Variants in HDLBP observed in about 807,000 individuals in gnomAD.
HDLBP encodes the protein vigilin.
In HDLBP, 30 loss-of-function variants were observed where a neutral mutation model predicts 137.3. That is an observed-to-expected ratio of 0.22 (90% CI 0.16 to 0.30). HDLBP has a LOEUF of 0.30. Ranked by LOEUF, HDLBP falls within the 10% of genes least tolerant of loss-of-function variation. HDLBP has a pLI of 1.00. For synonymous variants in HDLBP, 606 were observed against 596.0 expected, an observed-to-expected ratio of 1.02 and a Z score of -0.24; for missense variants, 1,119 against 1,667.3, an observed-to-expected ratio of 0.67 and a Z score of 5.73.
At chr2:241,295,827 A>C (rs2075156893) in intron 1 of HDLBP, among the ~76,000 whole-genome samples, 2 of 152,316 alleles carry the variant, frequency 1.3e-5, no homozygotes, top group South Asian at 4.1e-4. Context: ...TGCAGCTGCA[A>C]GCCAAGGACT....
chr2:241,250,293 C>T, intron 11 of HDLBP: 1 of 230,194 alleles, frequency 4.3e-6, no homozygotes, highest in Admixed American at 5.2e-5. Flanking sequence ...GGGGTATTGG[C>T]CAGGGCTTCA....
At chr2:241,255,619 G>A (rs754835538) in intron 7 of HDLBP, 39 bp from the exon 8 acceptor site, 2 of 1,551,482 alleles carry the variant, frequency 1.3e-6, no homozygotes, top group Admixed American at 3.3e-5. Context: ...AAAGGGAAAG[G>A]TGTGGGAAGC....
chr2:241,246,155 C>G (rs1301846408), intron 16 of HDLBP, among the ~76,000 whole-genome samples: 5 of 151,860 alleles, frequency 3.3e-5, no homozygotes, highest in African/African-American at 1.2e-4. Context: ...AAAGTGAAAG[C>G]AGATGGGCCC....
In HDLBP at chr2:241,280,265, T is replaced by C. The variant is rs573221131; in HGVS notation, c.-102-11724A>G. On this transcript the variant is annotated intron_variant, in intron 1 of 27. Coordinates refer to ENST00000310931, the MANE Select transcript of HDLBP (RefSeq NM_005336.6). ...CAAACTAATTTTATAATTAAGCTTA[T>C]TTATACTCAGTTTAATTTGACTTGT... Among the ~76,000 whole-genome samples the C allele has an allele frequency of 2.0e-5, 3 of 152,376 alleles. No individual in the cohort carries two copies. The South Asian group carries it at 6.2e-4, about 32-fold the overall frequency.
At chr2:241,312,483 G>A (rs2075782842) in intron 1 of HDLBP, among the ~76,000 whole-genome samples, 1 of 152,136 alleles carries the variant, frequency 6.6e-6, no homozygotes, top group Admixed American at 6.5e-5. Flanking sequence ...GAACGTTGTG[G>A]TGCTTTTACA....
chr2:241,268,574 G>A, intron 1 of HDLBP, 33 bp from the exon 2 acceptor site: 1 of 831,328 alleles, frequency 1.2e-6, no homozygotes. Flanking sequence ...AGAGGAGAGA[G>A]AGGAAACCAG....
At position 241,242,583 on chromosome 2, in the gene HDLBP, C is replaced by T. The variant is rs747413701; in HGVS notation, c.2046G>A (p.Glu682=). 1 of 1,614,252 alleles carries T rather than the reference C, an allele frequency of 6.2e-7. No homozygotes were observed. Among genetic ancestry groups the T allele is most frequent in the African/African-American group, 1.3e-5 (1 of 75,076 alleles). The part of the protein sequence containing the change: ...KGRLIRSIME[E]CGGVHIHFPV... ...GAAAGTGAATGTGGACCCCGCCGCA[C>T]TCCTCCATGATGGAGCGGATCAGAC... Residue 682 remains glutamate, a synonymous_variant, in exon 17 of 28, where the codon GAG becomes GAA. Coordinates refer to ENST00000310931, the MANE Select transcript of HDLBP (RefSeq NM_005336.6).
chr2:241,229,787 C>CCCCCCCCCCCCCCG, intron 27 of HDLBP, 46 bp downstream of exon 27: 2 of 1,137,646 alleles, frequency 1.8e-6, no homozygotes, highest in Non-Finnish European at 1.3e-6. Context: ...CCCGCCTGCC[C>CCCCCCCCCCCCCCG]GCCCACCCTC....
At position 241,255,139 on chromosome 2, in the gene HDLBP, G is replaced by C. The variant is rs566762728; in HGVS notation, c.1100C>G (p.Ser367Cys). 6.2e-7 allele frequency: 1 copy of C among 1,614,162 alleles called. No homozygotes were observed. Among genetic ancestry groups the C allele is most frequent in the African/African-American group, 1.3e-5 (1 of 75,030 alleles). ...VYAKANSFTV[S>C]SVAAPSWLHR... The stretch of plus-strand genomic sequence containing the variant: ...AAGCCAGGAAGGGGCGGCGACAGAG[G>C]AGACGGTGAAGCTATTGGCCTAAGA... Residue 367 changes from serine (S) to cysteine (C), a missense_variant, in exon 9 of 28, where the codon TCC (serine) becomes TGC (cysteine). This residue lies in a region of HDLBP where 425 missense variants were observed against 693.9 expected (regional missense o/e 0.61). Transcript: ENST00000310931.
chr2:241,242,115 T>C (rs2071296241), intron 17 of HDLBP, among the ~76,000 whole-genome samples: 1 of 152,214 alleles, frequency 6.6e-6, no homozygotes, highest in African/African-American at 2.4e-5. Context: ...TTAGGGGTGA[T>C]GGAAAATGAA....
intron 24 of HDLBP, 121 bp from the exon 25 acceptor site, chr2:241,231,065 G>A (rs925773904): frequency 1.7e-4 from 140 of 831,880 alleles, no homozygotes; most frequent in Middle Eastern, 3.5e-4. Flanking sequence ...GCAACGTCAC[G>A]GCTGATTTAA....
At position 241,239,329 on chromosome 2, in the gene HDLBP, T is replaced by C. The variant is rs1189054501; in HGVS notation, c.2610+273A>G. Reference sequence around the variant, plus strand: ...AATGCATTTTCTTTCTTTCTCTTGCTTTCTTTCCTCTCTCTCTCTCCCCTC... The same window carrying C: ...AATGCATTTTCTTTCTTTCTCTTGCCTTCTTTCCTCTCTCTCTCTCCCCTC... On this transcript the variant is annotated intron_variant, in intron 19 of 27. Transcript: ENST00000310931. The surrounding 1 kb of genome is among the most constrained non-coding windows in gnomAD (Gnocchi z 4.6). Among the ~76,000 whole-genome samples, 1 of 152,172 alleles carries C rather than the reference T, an allele frequency of 6.6e-6. No individual in the cohort carries two copies. The highest frequency in any genetic ancestry group is 1.5e-5 in the Non-Finnish European group (1 of 68,028).
At chr2:241,295,823 T>TG (rs1414904305) in intron 1 of HDLBP, among the ~76,000 whole-genome samples, 1 of 152,120 alleles carries the variant, frequency 6.6e-6, no homozygotes, top group African/African-American at 2.4e-5. Flanking sequence ...ACCATGCAGC[T>TG]GCAAGCCAAG....
At position 241,255,173 on chromosome 2, in the gene HDLBP, G is replaced by C. The variant is rs368277659; in HGVS notation, c.1081-15C>G. The C allele has an allele frequency of 1.7e-5, 28 of 1,608,268 alleles. No homozygotes were observed. Among genetic ancestry groups the C allele is most frequent in the Non-Finnish European group, 2.3e-5 (27 of 1,174,842 alleles). ...AAGCTATTGGCCTAAGAAAATGGGA[G>C]AACAGCCATGGGTTTGCAGAGCTCA... is the stretch of plus-strand genomic sequence containing the variant. On this transcript the variant is annotated splice_polypyrimidine_tract_variant and intron_variant, in intron 8 of 27. Coordinates refer to ENST00000310931, the MANE Select transcript of HDLBP (RefSeq NM_005336.6).
chr2:241,251,057 T>G (rs2149459906), intron 11 of HDLBP: 1 of 152,204 alleles, frequency 6.6e-6, no homozygotes, highest in East Asian at 1.9e-4. Flanking sequence ...ACTGCAGCCT[T>G]GACTTCCTGG....
intron 2 of HDLBP, chr2:241,267,738 C>T: frequency 6.5e-7 from 1 of 1,532,650 alleles, no homozygotes; most frequent in Non-Finnish European, 8.7e-7. Context: ...AGCCTCAGTG[C>T]TTTGTAGCAA....
intron 1 of HDLBP, among the ~76,000 whole-genome samples, chr2:241,293,328 C>A (rs1415018985): frequency 1.3e-5 from 2 of 151,792 alleles, no homozygotes; most frequent in South Asian, 2.1e-4. Context: ...ATAAAAAATA[C>A]AATAAAATAA....
chr2:241,309,989 G>A (rs2075713399), intron 1 of HDLBP, among the ~76,000 whole-genome samples: 1 of 152,118 alleles, frequency 6.6e-6, no homozygotes. Flanking sequence ...AGGCTCAGAG[G>A]CCCTCTGACT....
Position 241,230,629 on chromosome 2 carries a change from T to C in HDLBP, c.3474+130A>G. ...TGACCCGTGGTGTCCATGAGGACAG[T>C]TCCACTGCCAGCCCTGGGGTTGTGG... On this transcript the variant is annotated intron_variant, in intron 25 of 27. Transcript: ENST00000310931. This position sits in a 1 kb window ranked among gnomAD's most constrained non-coding sequence, Gnocchi z 5.0. 1.3e-6 allele frequency: 1 copy of C among 798,432 alleles called. No individual in the cohort carries two copies. Among genetic ancestry groups the C allele is most frequent in the Non-Finnish European group, 2.0e-6 (1 of 493,594 alleles). The allele number at this position is 798,432 out of a possible 1,614,324, so 49.5% of individuals were successfully genotyped here.
Sources: allele counts gnomAD v4.1 joint callset (sites outside exome capture counted in the v4.1 genomes callset), GRCh38; gene constraint gnomAD v4.1.1; regional missense constraint gnomAD v4.1.1; non-coding constraint Gnocchi (gnomAD v3.1); transcripts MANE v1.5; gene names NCBI Gene and HGNC (gene_info 2026-07-23, HGNC 2026-07-21).